PDE1A: variants seen among roughly 807,000 people sequenced by gnomAD.
The protein encoded by PDE1A is phosphodiesterase 1A.
A neutral mutation model predicts 61.7 loss-of-function variants in PDE1A; 35 were observed. The observed-to-expected ratio is 0.57, with a 90% CI of 0.43 to 0.75. The LOEUF (loss-of-function observed/expected upper bound fraction) is 0.75. PDE1A is among the 30% of genes least tolerant of loss of function. The pLI is 0.00. For missense variants in PDE1A, 597 were observed against 630.6 expected, an observed-to-expected ratio of 0.95 and a Z score of 0.57; for synonymous variants, 232 against 213.2, an observed-to-expected ratio of 1.09 and a Z score of -0.77.
intron 2 of PDE1A, among the ~76,000 whole-genome samples, chr2:182,500,816 T>C (rs1050757855): frequency 1.3e-5 from 2 of 152,160 alleles, no homozygotes; most frequent in African/African-American, 4.8e-5. Flanking sequence ...ACCCAGCAAA[T>C]TCTATATATA....
the PDE1A span, among the ~76,000 whole-genome samples, chr2:182,590,467 C>CA: frequency 1.4e-4 from 21 of 147,686 alleles, no homozygotes; most frequent in South Asian, 2.1e-4. Context: ...GACCCTGTCT[C>CA]AAAAAAAAAA....
chr2:182,676,977 T>C, the PDE1A span, among the ~76,000 whole-genome samples: 1 of 152,160 alleles, frequency 6.6e-6, no homozygotes, highest in Non-Finnish European at 1.5e-5. Flanking sequence ...GGGCAAAAGC[T>C]GGAAACATTC....
chr2:182,271,331 T>A (rs887353562), intron 1 of PDE1A, among the ~76,000 whole-genome samples: 15 of 152,148 alleles, frequency 9.9e-5, no homozygotes, highest in African/African-American at 3.1e-4. Context: ...CAAACAGTAT[T>A]ACTCTTAAAA....
chr2:182,554,029 T>C, the PDE1A span, among the ~76,000 whole-genome samples: 3 of 152,150 alleles, frequency 2.0e-5, no homozygotes, highest in African/African-American at 7.2e-5. Flanking sequence ...CAGGTTTGTA[T>C]TTCAGTAGAT....
chr2:182,407,072 A>C (rs963739855), intron 1 of PDE1A, among the ~76,000 whole-genome samples: 6 of 152,114 alleles, frequency 3.9e-5, no homozygotes, highest in African/African-American at 1.4e-4. Context: ...TTACTTTCAA[A>C]ATGTTTTCTT....
chr2:182,238,277 A>AAAAAAAAAAAG, intron 3 of PDE1A, among the ~76,000 whole-genome samples: 1 of 150,806 alleles, frequency 6.6e-6, no homozygotes, highest in African/African-American at 2.5e-5. Context: ...AAAAAAAAAA[A>AAAAAAAAAAAG]AAAAAGAAAA....
At chr2:182,605,417 T>C in the PDE1A span, among the ~76,000 whole-genome samples, 1 of 152,192 alleles carries the variant, frequency 6.6e-6, no homozygotes, top group African/African-American at 2.4e-5. Context: ...CCAGAGGTTT[T>C]AAAAGCTAAA....
chr2:182,201,661 A>AAAAAAAC (rs780548266), intron 9 of PDE1A, 27 bp downstream of exon 9: 25 of 1,555,396 alleles, frequency 1.6e-5, no homozygotes, highest in South Asian at 1.1e-4. Flanking sequence ...AAAAAAAAAA[A>AAAAAAAC]AACAACAAAA....
intron 2 of PDE1A, among the ~76,000 whole-genome samples, chr2:182,518,414 C>T (rs2125983422): frequency 6.6e-6 from 1 of 152,192 alleles, no homozygotes; most frequent in East Asian, 1.9e-4. Flanking sequence ...TTGTCCTTCA[C>T]TATTGATAGT....
rs565586913 is a variant in PDE1A at position 182,408,986 on chromosome 2, C to T, written c.53+17592G>A. On this transcript the variant is annotated intron_variant, in intron 1 of 13. Transcript: ENST00000351439. ...GCTGAGCAGGGACTCAGTCAGGCTG[C>T]CCAGAGCCACAGGTCTTCTGCCTCC... 1.1e-3 allele frequency among the ~76,000 whole-genome samples: 161 copies of T among 152,286 alleles called. No individual in the cohort carries two copies. In the Middle Eastern group the frequency reaches 0.02, roughly 19 times the overall value.
intron 1 of PDE1A, among the ~76,000 whole-genome samples, chr2:182,332,427 A>C (rs1042541462): frequency 1.3e-5 from 2 of 152,124 alleles, no homozygotes; most frequent in African/African-American, 4.8e-5. Context: ...GGAGGAGAAG[A>C]GAAGTTCTGG....
At chr2:182,277,801 G>A (rs1693536085) in intron 1 of PDE1A, among the ~76,000 whole-genome samples, 1 of 151,952 alleles carries the variant, frequency 6.6e-6, no homozygotes, top group South Asian at 2.1e-4. Context: ...AGTTTCAGCA[G>A]GTGTTTCAGA....
the PDE1A span, among the ~76,000 whole-genome samples, chr2:182,661,732 A>G: frequency 5.3e-5 from 8 of 152,324 alleles, no homozygotes; most frequent in East Asian, 1.5e-3. Context: ...GATGTAATGT[A>G]CCAAATATAT....
In PDE1A at chr2:182,261,466, C is replaced by T. The variant is rs1386706987; in HGVS notation, c.167+2835G>A. Among the ~76,000 whole-genome samples, 6 of 152,102 alleles carry T rather than the reference C, an allele frequency of 3.9e-5. No individual in the cohort carries two copies. In the East Asian group the frequency reaches 9.7e-4, roughly 24 times the overall value. ...ATTATTATTAATCCAATTTAAAACT[C>T]ATGATGCCATGGAAGCATTATAATA... is the stretch of plus-strand genomic sequence containing the variant. On this transcript the variant is annotated intron_variant, in intron 2 of 13. Coordinates refer to ENST00000351439, the Ensembl canonical transcript of PDE1A.
At chr2:182,548,070 C>T in the PDE1A span, among the ~76,000 whole-genome samples, 5 of 152,224 alleles carry the variant, frequency 3.3e-5, no homozygotes, top group Admixed American at 3.3e-4. Context: ...TTAAAATAAA[C>T]ATCTCCTTTC....
At chr2:182,706,827 A>G in the PDE1A span, among the ~76,000 whole-genome samples, 1 of 152,256 alleles carries the variant, frequency 6.6e-6, no homozygotes, top group Non-Finnish European at 1.5e-5. Context: ...TAACTTAAAT[A>G]TGTTCCAGGG....
Position 182,201,932 on chromosome 2 carries a change from C to T in PDE1A, c.903-143G>A, listed in dbSNP as rs1574670793. 4 of 609,636 alleles carry T rather than the reference C, an allele frequency of 6.6e-6. No homozygotes were observed. In the East Asian group the frequency reaches 1.1e-4, roughly 17 times the overall value. 37.8% of individuals were successfully genotyped at this position (609,636 alleles called of 1,614,324 possible). ...GATGCTACTTTTTAAATGTGAAAGT[C>T]CACACACAAGTTTGATATTATTTTA... On this transcript the variant is annotated intron_variant, in intron 8 of 13. Transcript: ENST00000351439.
At chr2:182,515,419 T>C (rs1690071299) in intron 2 of PDE1A, among the ~76,000 whole-genome samples, 1 of 152,214 alleles carries the variant, frequency 6.6e-6, no homozygotes, top group South Asian at 2.1e-4. Flanking sequence ...GGTAAATTAA[T>C]AACTTTTCCA....
At chr2:182,453,820 G>A (rs1183045358) in intron 2 of PDE1A, among the ~76,000 whole-genome samples, 1 of 152,082 alleles carries the variant, frequency 6.6e-6, no homozygotes, top group Non-Finnish European at 1.5e-5. Flanking sequence ...CATACTGAAT[G>A]GGCAAAAACT....
Sources: gnomAD v4.1 joint callset for allele counts (sites outside exome capture counted in the v4.1 genomes callset) on GRCh38, gnomAD v4.1.1 for gene constraint, MANE v1.5 for transcripts, NCBI Gene and HGNC (gene_info 2026-07-23, HGNC 2026-07-21) for gene names.